Variants in LHFPL2 observed in about 807,000 individuals in gnomAD.
LHFPL2 encodes LHFPL tetraspan subfamily member 2, also known as LHFPL tetraspan subfamily member 2 protein.
Under a neutral mutation model 17.5 loss-of-function variants are expected in LHFPL2, and 7 were observed. That is an observed-to-expected ratio of 0.40 (90% CI 0.23 to 0.75). The LOEUF (loss-of-function observed/expected upper bound fraction) is 0.75, where lower values mean the gene tolerates loss of function less well. Ranked by LOEUF, LHFPL2 falls within the 30% of genes least tolerant of loss-of-function variation. The pLI, the probability that LHFPL2 is intolerant of heterozygous loss-of-function variation, is 0.37. For synonymous variants in LHFPL2, 134 were observed against 116.2 expected (o/e 1.15, Z -0.99); for missense variants, 241 against 294.8 (o/e 0.82, Z 1.34).
At chr5:78,533,462 G>A (rs181315480) in intron 3 of LHFPL2, among the ~76,000 whole-genome samples, 3 of 152,344 alleles carry the variant, frequency 2.0e-5, no homozygotes, top group African/African-American at 4.8e-5. Context: ...TGTTCACGCT[G>A]TGAGAGTAGG....
chr5:78,519,579 T>C (rs1236159108), intron 3 of LHFPL2, among the ~76,000 whole-genome samples: 1 of 152,196 alleles, frequency 6.6e-6, no homozygotes, highest in Non-Finnish European at 1.5e-5. Flanking sequence ...GTAGTGACCT[T>C]AGGTGAAATT....
At chr5:78,619,221 T>C (rs994439121) in intron 2 of LHFPL2, among the ~76,000 whole-genome samples, 1 of 152,000 alleles carries the variant, frequency 6.6e-6, no homozygotes. Context: ...ATTAATGGGG[T>C]TTCTCCATGT....
chr5:78,515,092 C>G (rs749193535), intron 3 of LHFPL2, among the ~76,000 whole-genome samples: 5 of 152,068 alleles, frequency 3.3e-5, no homozygotes, highest in African/African-American at 7.2e-5. Flanking sequence ...ATTAGCACAC[C>G]CAAGAGAATG....
chr5:78,533,037 C>A (rs1403959382), intron 3 of LHFPL2, among the ~76,000 whole-genome samples: 2 of 152,190 alleles, frequency 1.3e-5, no homozygotes, highest in Non-Finnish European at 2.9e-5. Context: ...TCTCTCCTCT[C>A]CCTCTCTGAG....
chr5:78,510,503 A>C (rs948946080), intron 3 of LHFPL2, 105 bp from the exon 4 acceptor site: 6 of 409,038 alleles, frequency 1.5e-5, no homozygotes, highest in Non-Finnish European at 2.6e-5. Context: ...GAACCCTGCC[A>C]GCAAGCCCCG....
intron 4 of LHFPL2, among the ~76,000 whole-genome samples, chr5:78,507,716 T>C (rs375649451): frequency 5.3e-4 from 81 of 152,242 alleles, no homozygotes; most frequent in Non-Finnish European, 7.5e-4. Flanking sequence ...CTCATCTACA[T>C]ACCAGCAAAT....
chr5:78,588,482 A>G (rs1031742963), intron 2 of LHFPL2, among the ~76,000 whole-genome samples: 2 of 152,248 alleles, frequency 1.3e-5, no homozygotes, highest in Non-Finnish European at 2.9e-5. Context: ...CCTTGGGCAA[A>G]TAACACCTCC....
intron 2 of LHFPL2, among the ~76,000 whole-genome samples, chr5:78,566,666 C>A (rs1325498743): frequency 6.6e-6 from 1 of 152,172 alleles, no homozygotes; most frequent in East Asian, 1.9e-4. Flanking sequence ...GCATGTTGGC[C>A]AGGCTGGTCT....
intron 3 of LHFPL2, among the ~76,000 whole-genome samples, chr5:78,558,861 C>CT (rs1034860772): frequency 3.9e-5 from 6 of 152,240 alleles, no homozygotes; most frequent in Admixed American, 2.0e-4. Flanking sequence ...GAGCAGATGA[C>CT]TTTTTTTCCC....
chr5:78,596,204 C>A (rs344656), intron 2 of LHFPL2, among the ~76,000 whole-genome samples: 138,376 of 152,224 alleles, frequency 0.91, 63,059 homozygotes, highest in African/African-American at 0.97. Flanking sequence ...AATTAAAGCC[C>A]GACAAATTTT....
chr5:78,546,893 A>T (rs762525184), intron 3 of LHFPL2, among the ~76,000 whole-genome samples: 10 of 152,188 alleles, frequency 6.6e-5, no homozygotes, highest in African/African-American at 9.7e-5. Flanking sequence ...TTTTTATTAG[A>T]AGTCAGTCCT....
At chr5:78,496,753 A>C (rs952525100) in intron 4 of LHFPL2, among the ~76,000 whole-genome samples, 1 of 152,244 alleles carries the variant, frequency 6.6e-6, no homozygotes, top group Non-Finnish European at 1.5e-5. Context: ...TATGAATTTA[A>C]GATCATCAGC....
chr5:78,639,440 T>G (rs1745585492), intron 1 of LHFPL2, among the ~76,000 whole-genome samples: 4 of 152,198 alleles, frequency 2.6e-5, no homozygotes, highest in Admixed American at 2.0e-4. Flanking sequence ...GTCACCAGTT[T>G]AAGCCGGCAC....
chr5:78,533,074 C>G (rs566183706), intron 3 of LHFPL2, among the ~76,000 whole-genome samples: 1 of 152,154 alleles, frequency 6.6e-6, no homozygotes, highest in East Asian at 1.9e-4. Context: ...CCGATGTGGC[C>G]GAGTAGACCA....
chr5:78,631,399 C>T (rs1195139590), intron 2 of LHFPL2, among the ~76,000 whole-genome samples: 1 of 152,190 alleles, frequency 6.6e-6, no homozygotes, highest in African/African-American at 2.4e-5. Flanking sequence ...ACTTACGCTA[C>T]TTGGGATGAA....
At position 78,488,807 on chromosome 5, in the gene LHFPL2, A is replaced by G; in HGVS notation, c.*90T>C. Reference sequence around the variant, plus strand: ...CCGTGGAACGTGGCTTTGGTAGGTAAAGGTTAGTTCTCCACTTGACTCAAA... The same window carrying G: ...CCGTGGAACGTGGCTTTGGTAGGTAGAGGTTAGTTCTCCACTTGACTCAAA... On this transcript the variant is annotated 3_prime_UTR_variant, in exon 5 of 5. Transcript: ENST00000380345. 1.4e-6 allele frequency: 2 copies of G among 1,470,940 alleles called. No homozygotes were observed. Among genetic ancestry groups the G allele is most frequent in the Non-Finnish European group, 1.9e-6 (2 of 1,078,136 alleles). 91.1% of individuals were successfully genotyped at this position (1,470,940 alleles called of 1,614,324 possible).
chr5:78,619,343 A>G (rs1744742098), intron 2 of LHFPL2, among the ~76,000 whole-genome samples: 1 of 152,134 alleles, frequency 6.6e-6, no homozygotes, highest in Non-Finnish European at 1.5e-5. Flanking sequence ...ACTTTTCTTT[A>G]TAGGGCTTTG....
chr5:78,501,709 C>T (rs1381129842), intron 4 of LHFPL2, among the ~76,000 whole-genome samples: 2 of 152,208 alleles, frequency 1.3e-5, no homozygotes, highest in African/African-American at 4.8e-5. Context: ...CATGAGCCTA[C>T]ATGGCTTACT....
intron 2 of LHFPL2, among the ~76,000 whole-genome samples, chr5:78,575,442 G>A (rs1288616779): frequency 1.3e-5 from 2 of 151,984 alleles, no homozygotes; most frequent in East Asian, 3.9e-4. Context: ...CCAGCTACTC[G>A]GGAGGCTGAG....
Sources: allele counts gnomAD v4.1 joint callset (sites outside exome capture counted in the v4.1 genomes callset), GRCh38; gene constraint gnomAD v4.1.1; transcripts MANE v1.5; gene names NCBI Gene and HGNC (gene_info 2026-07-23, HGNC 2026-07-21).